The following TMEM196 variants were observed in gnomAD, a reference collection of about 807,000 sequenced individuals.
TMEM196 encodes the protein transmembrane protein 196.
A neutral mutation model predicts 20.0 loss-of-function variants in TMEM196; 17 were observed. The ratio of observed to expected loss-of-function variants is 0.85; its 90% confidence interval spans 0.58 to 1.27. TMEM196 has a LOEUF of 1.27. TMEM196 is among the 50% of genes most tolerant of loss of function. TMEM196 has a pLI of 0.00. For synonymous variants in TMEM196, 113 were observed against 88.9 expected, an observed-to-expected ratio of 1.27 and a Z score of -1.52; for missense variants, 267 against 223.0, an observed-to-expected ratio of 1.20 and a Z score of -1.26.
rs1783747256 is a variant in TMEM196 at position 19,719,451 on chromosome 7, G to A, written c.*2677C>T. The A allele has an allele frequency of 6.8e-6, 1 of 148,128 alleles. No individual in the cohort carries two copies. Among genetic ancestry groups the A allele is most frequent in the African/African-American group, 2.4e-5 (1 of 41,076 alleles). The allele number at this position is 148,128 out of a possible 1,614,324, so 9.2% of individuals were successfully genotyped here. A position where few individuals can be genotyped will look rare whatever the true frequency, so the allele number is the denominator to read the frequency against. The stretch of plus-strand genomic sequence containing the variant: ...TATATATACACACATACACATATAT[G>A]TTTAAAATTTCCAAAGCGAGCCCAA... On this transcript the variant is annotated 3_prime_UTR_variant, in exon 5 of 5. Coordinates refer to ENST00000405844, the MANE Select transcript of TMEM196 (RefSeq NM_001363562.2).
rs1185302623 is a variant in TMEM196, at chr7:19,738,651, A to C, written c.148-9213T>G. Among the ~76,000 whole-genome samples, 3 of 152,106 alleles carry C rather than the reference A, an allele frequency of 2.0e-5. No individual in the cohort carries two copies. In the South Asian group the frequency reaches 6.2e-4, roughly 31 times the overall value. ...CCACATTGAGGTTTGTCAAAGGGAC[A>C]AAGGAGCCAACTGAAATAGCTTCCA... On this transcript the variant is annotated intron_variant, in intron 1 of 4. Coordinates refer to ENST00000405844, the MANE Select transcript of TMEM196 (RefSeq NM_001363562.2).
At chr7:19,745,444 A>G (rs1440555001) in intron 1 of TMEM196, among the ~76,000 whole-genome samples, 13 of 152,004 alleles carry the variant, frequency 8.6e-5, no homozygotes. Context: ...GTTGATAATG[A>G]GTATGCCTGT....
chr7:19,730,299 T>C (rs1417979676), intron 1 of TMEM196, among the ~76,000 whole-genome samples: 1 of 151,622 alleles, frequency 6.6e-6, no homozygotes, highest in African/African-American at 2.4e-5. Flanking sequence ...ATAAAGCAAT[T>C]GATAGCATAT....
chr7:19,724,224 G>T (rs954110794), intron 4 of TMEM196, 56 bp downstream of exon 4: 108 of 1,442,480 alleles, frequency 7.5e-5, no homozygotes, highest in Non-Finnish European at 3.0e-5. Flanking sequence ...TTCTGGAAGG[G>T]GAAGTGCTTT....
Position 19,773,501 on chromosome 7 carries a change from C to T in TMEM196, c.-805G>A, listed in dbSNP as rs1055158563. 3 of 169,414 alleles carry T rather than the reference C, an allele frequency of 1.8e-5. No homozygotes were observed. 10.5% of individuals were successfully genotyped at this position (169,414 alleles called of 1,614,324 possible). ...TGTATTTGTAGATCCAGGACCAGTA[C>T]TCTTGGCTGGCCTTTGATCCGCCCC... is the stretch of plus-strand genomic sequence containing the variant. On this transcript the variant is annotated 5_prime_UTR_variant, in exon 1 of 5. Coordinates refer to ENST00000405844, the MANE Select transcript of TMEM196 (RefSeq NM_001363562.2).
At chr7:19,770,958 G>A (rs914218974) in intron 1 of TMEM196, among the ~76,000 whole-genome samples, 16 of 150,280 alleles carry the variant, frequency 1.1e-4, no homozygotes, top group Admixed American at 1.1e-3. Context: ...CGTTGGGGGC[G>A]GGGATTGAGC....
intron 1 of TMEM196, among the ~76,000 whole-genome samples, chr7:19,748,740 G>T (rs1410637659): frequency 1.3e-5 from 2 of 152,172 alleles, no homozygotes; most frequent in East Asian, 1.9e-4. Flanking sequence ...TTAGCTAAAA[G>T]GCAAGTGGAA....
chr7:19,733,491 T>C (rs966887790), intron 1 of TMEM196, among the ~76,000 whole-genome samples: 2 of 152,058 alleles, frequency 1.3e-5, no homozygotes, highest in African/African-American at 4.8e-5. Flanking sequence ...TCATCACACA[T>C]TTGTTTGTGT....
At chr7:19,755,694 T>C (rs763621788) in intron 1 of TMEM196, among the ~76,000 whole-genome samples, 11 of 152,162 alleles carry the variant, frequency 7.2e-5, no homozygotes, top group Non-Finnish European at 1.5e-4. Flanking sequence ...TAACACAAAT[T>C]GTCTTAAAGA....
intron 1 of TMEM196, among the ~76,000 whole-genome samples, chr7:19,736,340 C>G (rs1446327982): frequency 1.1e-5 from 1 of 93,352 alleles, no homozygotes; most frequent in Non-Finnish European, 2.1e-5. Flanking sequence ...TCCCACTTTT[C>G]TAGTGGTTCC....
intron 1 of TMEM196, among the ~76,000 whole-genome samples, chr7:19,767,874 A>G (rs1345603095): frequency 2.0e-5 from 3 of 151,926 alleles, no homozygotes; most frequent in African/African-American, 7.2e-5. Flanking sequence ...TTTCTTTTTT[A>G]TTAAATATAT....
At chr7:19,762,514 T>G (rs1219027301) in intron 1 of TMEM196, among the ~76,000 whole-genome samples, 1 of 152,138 alleles carries the variant, frequency 6.6e-6, no homozygotes, top group Non-Finnish European at 1.5e-5. Flanking sequence ...ATAAGTGTAT[T>G]TATGTAACTT....
chr7:19,757,273 A>G (rs777662588), intron 1 of TMEM196, among the ~76,000 whole-genome samples: 3 of 149,490 alleles, frequency 2.0e-5, no homozygotes, highest in Non-Finnish European at 3.0e-5. Context: ...TCCAAGGTTC[A>G]AGCGATTCTC....
intron 1 of TMEM196, among the ~76,000 whole-genome samples, chr7:19,754,602 T>C (rs1785124944): frequency 6.6e-6 from 1 of 152,188 alleles, no homozygotes; most frequent in Admixed American, 6.5e-5. Context: ...TGAAATTCTT[T>C]TCTGTAGTCA....
At chr7:19,754,203 T>C (rs1583449677) in intron 1 of TMEM196, among the ~76,000 whole-genome samples, 1 of 152,220 alleles carries the variant, frequency 6.6e-6, no homozygotes, top group East Asian at 1.9e-4. Flanking sequence ...GTACACTTCA[T>C]AGAATAGCTG....
At chr7:19,752,491 C>T (rs1160501711) in intron 1 of TMEM196, among the ~76,000 whole-genome samples, 2 of 152,070 alleles carry the variant, frequency 1.3e-5, no homozygotes, top group Non-Finnish European at 2.9e-5. Context: ...TGAGCGAGTC[C>T]CTCTGCCTTT....
intron 1 of TMEM196, among the ~76,000 whole-genome samples, chr7:19,753,362 C>T (rs1785067778): frequency 6.6e-6 from 1 of 152,154 alleles, no homozygotes; most frequent in Admixed American, 6.5e-5. Flanking sequence ...TTTATCTAAA[C>T]TCATTTTCTT....
rs984256639 is a variant in TMEM196, at chr7:19,772,223, G to A, written c.147+327C>T. 8.8e-3 allele frequency among the ~76,000 whole-genome samples: 740 copies of A among 84,388 alleles called. 8 individuals are homozygous for A. Among genetic ancestry groups the A allele is most frequent in the African/African-American group, 0.034 (716 of 21,084 alleles). The allele number at this position is 84,388 out of a possible 152,430, so 55.4% of individuals were successfully genotyped here. A position where few individuals can be genotyped will look rare whatever the true frequency, so the allele number is the denominator to read the frequency against. ...ACAGGTGTGACACCCCCCTCCCCCC[G>A]CCTCCCAAACAGCACCACTGGGCAA... On this transcript the variant is annotated intron_variant, in intron 1 of 4. Transcript: ENST00000405844.
intron 1 of TMEM196, among the ~76,000 whole-genome samples, chr7:19,754,253 G>T (rs2128032849): frequency 6.6e-6 from 1 of 152,302 alleles, no homozygotes; most frequent in East Asian, 1.9e-4. Flanking sequence ...TCACTTGGAA[G>T]AATTCAAGTG....
Sources: allele counts gnomAD v4.1 joint callset (sites outside exome capture counted in the v4.1 genomes callset), GRCh38; gene constraint gnomAD v4.1.1; transcripts MANE v1.5; gene names NCBI Gene and HGNC (gene_info 2026-07-23, HGNC 2026-07-21).